The following IL1RAPL2 variants were observed in gnomAD, a reference collection of about 807,000 sequenced individuals.
IL1RAPL2 encodes the protein X-linked interleukin-1 receptor accessory protein-like 2.
IL1RAPL2 carries 3 observed loss-of-function variants against 44.1 expected under a neutral mutation model. The observed-to-expected ratio is 0.07, with a 90% CI of 0.03 to 0.18. The LOEUF is 0.18. Ranked by LOEUF, IL1RAPL2 falls within the 10% of genes least tolerant of loss-of-function variation. The probability of loss-of-function intolerance (pLI) is 1.00; values close to 1 mark genes in which losing one functional copy is unlikely to be tolerated. For missense variants in IL1RAPL2, 391 were observed against 496.4 expected (o/e 0.79, Z 2.02); for synonymous variants, 181 against 178.8 (o/e 1.01, Z -0.10).
At position 104,639,837 on chromosome X, in the gene IL1RAPL2, C is replaced by T. The variant is rs185946549; in HGVS notation, c.-19-19058C>T. On this transcript the variant is annotated intron_variant, in intron 1 of 10. Coordinates refer to ENST00000372582, the MANE Select transcript of IL1RAPL2 (RefSeq NM_017416.2). ...AGCACTTTGAATATGTCATCCCATT[C>T]GCTAAATCTGCTCTTAGTCTAATGG... 3.5e-4 allele frequency among the ~76,000 whole-genome samples: 39 copies of T among 111,850 alleles called. 2 individuals are homozygous for T. Among genetic ancestry groups the T allele is most frequent in the Admixed American group, 7.6e-4 (8 of 10,521 alleles).
chrX:104,942,281 T>A (rs1329620986), intron 2 of IL1RAPL2, among the ~76,000 whole-genome samples: 1 of 112,200 alleles, frequency 8.9e-6, no homozygotes, highest in African/African-American at 3.2e-5. Flanking sequence ...ATCTGTAAAT[T>A]AGCTTAGGCA....
intron 2 of IL1RAPL2, among the ~76,000 whole-genome samples, chrX:104,841,695 T>G (rs918445580): frequency 2.7e-5 from 3 of 111,627 alleles, no homozygotes; most frequent in Non-Finnish European, 5.6e-5. Context: ...ATTCTGTTAT[T>G]TAAGTATGTT....
At chrX:104,607,648 G>A (rs1332737390) in intron 1 of IL1RAPL2, among the ~76,000 whole-genome samples, 1 of 111,973 alleles carries the variant, frequency 8.9e-6, no homozygotes, top group Non-Finnish European at 1.9e-5. Context: ...ATCATCACTG[G>A]TCATCAGAGA....
At chrX:105,664,324 A>G (rs943711178) in intron 6 of IL1RAPL2, among the ~76,000 whole-genome samples, 7 of 112,061 alleles carry the variant, frequency 6.2e-5, no homozygotes, top group African/African-American at 2.3e-4. Flanking sequence ...AGAAGCAAGC[A>G]CCAGGATTAA....
intron 2 of IL1RAPL2, among the ~76,000 whole-genome samples, chrX:105,100,964 C>T (rs762221451): frequency 8.9e-6 from 1 of 112,758 alleles, no homozygotes; most frequent in South Asian, 3.6e-4. Context: ...ATAGTACTTG[C>T]TGGTGCCAAT....
intron 2 of IL1RAPL2, among the ~76,000 whole-genome samples, chrX:104,818,064 T>C (rs1258054740): frequency 9.1e-6 from 1 of 110,272 alleles, no homozygotes; most frequent in East Asian, 2.9e-4. Context: ...AGTATATAGT[T>C]AGTCAGTTTT....
chrX:104,696,044 G>A (rs1931177291), intron 2 of IL1RAPL2, among the ~76,000 whole-genome samples: 1 of 111,532 alleles, frequency 9.0e-6, no homozygotes, highest in Admixed American at 9.5e-5. Context: ...CTGACCTCAA[G>A]TGATCCGCCC....
intron 6 of IL1RAPL2, among the ~76,000 whole-genome samples, chrX:105,619,712 A>G (rs2037405894): frequency 9.0e-6 from 1 of 111,195 alleles, no homozygotes; most frequent in African/African-American, 3.3e-5. Context: ...GCCAGTTGAG[A>G]CAGAGAAAAA....
At chrX:104,698,417 T>G (rs957841877) in intron 2 of IL1RAPL2, among the ~76,000 whole-genome samples, 3 of 111,856 alleles carry the variant, frequency 2.7e-5, no homozygotes, top group Non-Finnish European at 5.6e-5. Flanking sequence ...ACCACAGAAA[T>G]GTCCTCCTGT....
intron 5 of IL1RAPL2, among the ~76,000 whole-genome samples, chrX:105,286,593 T>C (rs1271489197): frequency 1.0e-5 from 1 of 96,965 alleles, no homozygotes; most frequent in African/African-American, 5.0e-5. Context: ...AAGACAACGA[T>C]AGAACAAAAC....
chrX:105,413,925 TTA>T (rs975974647), intron 5 of IL1RAPL2, among the ~76,000 whole-genome samples: 2 of 112,158 alleles, frequency 1.8e-5, no homozygotes, highest in Non-Finnish European at 3.8e-5. Flanking sequence ...AAATAGCTCA[TTA>T]ATAATTTTTA....
At chrX:104,991,670 C>T (rs1245279836) in intron 2 of IL1RAPL2, among the ~76,000 whole-genome samples, 3 of 111,760 alleles carry the variant, frequency 2.7e-5, no homozygotes, top group African/African-American at 9.7e-5. Flanking sequence ...TTTAAGCCAA[C>T]ATTTATTGAG....
chrX:105,155,939 G>A (rs1385457478), intron 2 of IL1RAPL2, among the ~76,000 whole-genome samples: 1 of 111,295 alleles, frequency 9.0e-6, no homozygotes, highest in African/African-American at 3.3e-5. Context: ...AGCACTGTGA[G>A]CAAGCCACTT....
chrX:104,671,626 G>T (rs1930606133), intron 2 of IL1RAPL2, among the ~76,000 whole-genome samples: 1 of 111,622 alleles, frequency 9.0e-6, no homozygotes, highest in Non-Finnish European at 1.9e-5. Flanking sequence ...ATACCTGGGA[G>T]CTTTTTGAAG....
At chrX:105,200,274 T>C (rs906856161) in intron 3 of IL1RAPL2, among the ~76,000 whole-genome samples, 2 of 112,057 alleles carry the variant, frequency 1.8e-5, no homozygotes, top group Non-Finnish European at 3.8e-5. Flanking sequence ...GCAAGAAAAA[T>C]TTACTGTTTG....
At chrX:104,585,647 C>T (rs914642675) in intron 1 of IL1RAPL2, among the ~76,000 whole-genome samples, 3 of 102,826 alleles carry the variant, frequency 2.9e-5, no homozygotes, top group Non-Finnish European at 5.9e-5. Flanking sequence ...TCTATGTGAC[C>T]GTGTGTTCTC....
rs184288085 is a variant in IL1RAPL2, at chrX:104,851,682, G to A, written c.82+192687G>A. Among the ~76,000 whole-genome samples the A allele has an allele frequency of 1.3e-3, 142 of 111,314 alleles. 1 individual carries two copies. Among genetic ancestry groups the A allele is most frequent in the African/African-American group, 4.3e-3 (131 of 30,667 alleles). On this transcript the variant is annotated intron_variant, in intron 2 of 10. Coordinates refer to ENST00000372582, the MANE Select transcript of IL1RAPL2 (RefSeq NM_017416.2). Reference sequence around the variant, plus strand: ...TTGAACTCATTTCTAACACTGTCTTGGTCTGTTGTGTTGCTGTAACAGAAT... The same window carrying A: ...TTGAACTCATTTCTAACACTGTCTTAGTCTGTTGTGTTGCTGTAACAGAAT...
chrX:105,187,161 T>TA (rs1182002348), intron 2 of IL1RAPL2, among the ~76,000 whole-genome samples: 1 of 111,953 alleles, frequency 8.9e-6, no homozygotes, highest in African/African-American at 3.2e-5. Flanking sequence ...GAAATGCACA[T>TA]AAAAAACTTG....
At chrX:105,320,665 T>C (rs6652919) in intron 5 of IL1RAPL2, among the ~76,000 whole-genome samples, 15 of 112,381 alleles carry the variant, frequency 1.3e-4, no homozygotes, top group African/African-American at 4.8e-4. Flanking sequence ...TGTATGCATA[T>C]GTGTGAGCAT....
Sources: gnomAD v4.1 joint callset for allele counts (sites outside exome capture counted in the v4.1 genomes callset) on GRCh38, gnomAD v4.1.1 for gene constraint, MANE v1.5 for transcripts, NCBI Gene and HGNC (gene_info 2026-07-23, HGNC 2026-07-21) for gene names.